GLT1D1: variants seen among roughly 807,000 people sequenced by gnomAD.
GLT1D1 encodes glycosyltransferase 1 domain containing 1.
Under a neutral mutation model 28.7 loss-of-function variants are expected in GLT1D1, and 21 were observed. The observed-to-expected ratio is 0.73, with a 90% CI of 0.52 to 1.05. The LOEUF is 1.05. Among genes scored for constraint, GLT1D1 ranks in the 50% least tolerant of loss-of-function variants. GLT1D1 has a pLI of 0.00. For missense variants in GLT1D1, 343 were observed against 330.6 expected, an observed-to-expected ratio of 1.04 and a Z score of -0.29; for synonymous variants, 147 against 124.8, an observed-to-expected ratio of 1.18 and a Z score of -1.19.
At position 128,891,034 on chromosome 12, in the gene GLT1D1, G is replaced by A. The variant is rs113152217; in HGVS notation, c.323+2290G>A. Among the ~76,000 whole-genome samples the A allele has an allele frequency of 5.3e-3, 805 of 151,726 alleles. 4 individuals carry two copies. The highest frequency in any genetic ancestry group is 0.018 in the African/African-American group (758 of 41,386). On this transcript the variant is annotated intron_variant, in intron 3 of 7. Coordinates refer to ENST00000281703, the MANE Select transcript of GLT1D1 (RefSeq NM_144669.3). ...AACAGCAACAACAACAAAAGAACCC[G>A]GGAGGTGTTGGTTGCAGTAAGCAAG...
At chr12:128,902,493 AAAAAAAAGAAAG>A (rs1870392426) in intron 4 of GLT1D1, among the ~76,000 whole-genome samples, 1 of 150,978 alleles carries the variant, frequency 6.6e-6, no homozygotes, top group South Asian at 2.1e-4. Flanking sequence ...TCTCAAAAAA[AAAAAAAAGAAAG>A]AAAAAAAGAA....
chr12:128,857,338 G>A (rs1401577790), intron 1 of GLT1D1, among the ~76,000 whole-genome samples: 1 of 152,206 alleles, frequency 6.6e-6, no homozygotes, highest in East Asian at 1.9e-4. Flanking sequence ...CTGGAGTGGA[G>A]GGCCATTTAG....
At chr12:128,880,843 G>T (rs1239276390) in intron 2 of GLT1D1, among the ~76,000 whole-genome samples, 1 of 152,106 alleles carries the variant, frequency 6.6e-6, no homozygotes, top group African/African-American at 2.4e-5. Flanking sequence ...TTGTGTGTGT[G>T]TTTTTGGTTT....
intron 4 of GLT1D1, among the ~76,000 whole-genome samples, chr12:128,915,388 G>A (rs1042517234): frequency 4.1e-5 from 6 of 144,586 alleles, no homozygotes; most frequent in Admixed American, 1.4e-4. Context: ...TTTTTGAGAT[G>A]GAGTCTCGTT....
At chr12:128,924,911 G>C (rs1404876521) in intron 4 of GLT1D1, among the ~76,000 whole-genome samples, 4 of 152,154 alleles carry the variant, frequency 2.6e-5, no homozygotes, top group Non-Finnish European at 5.9e-5. Flanking sequence ...GGGGTACAGT[G>C]ATCTGTTCCA....
intron 7 of GLT1D1, among the ~76,000 whole-genome samples, chr12:128,971,546 C>T (rs1312663338): frequency 2.3e-5 from 3 of 129,598 alleles, no homozygotes; most frequent in African/African-American, 8.9e-5. Context: ...CTCTCCTTCT[C>T]TCTCTTCCTG....
At chr12:128,949,744 TCACACACACACGCACACACACAGG>T (rs1876489162) in intron 6 of GLT1D1, among the ~76,000 whole-genome samples, 1 of 151,786 alleles carries the variant, frequency 6.6e-6, no homozygotes, top group Non-Finnish European at 1.5e-5. Flanking sequence ...ATGATTAGGC[TCACACACACACGCACACACACAGG>T]CACACACACA....
chr12:128,934,932 GA>G (rs1350861147), intron 4 of GLT1D1, among the ~76,000 whole-genome samples: 5 of 151,376 alleles, frequency 3.3e-5, no homozygotes, highest in African/African-American at 1.2e-4. Context: ...CAGGGTCCTG[GA>G]AGTCTCTGTC....
intron 4 of GLT1D1, among the ~76,000 whole-genome samples, chr12:128,937,577 T>C (rs541421754): frequency 6.6e-6 from 1 of 152,218 alleles, no homozygotes; most frequent in East Asian, 1.9e-4. Flanking sequence ...ACATTCCTGG[T>C]AGAGAGAATG....
At chr12:128,875,818 CAA>C (rs1356832527) in intron 1 of GLT1D1, 94 bp from the exon 2 acceptor site, 71 of 1,154,374 alleles carry the variant, frequency 6.2e-5, no homozygotes, top group Middle Eastern at 2.2e-4. Flanking sequence ...ACAACAACAA[CAA>C]CCAAAAAAAA....
chr12:128,972,270 G>T (rs781357637), intron 7 of GLT1D1, among the ~76,000 whole-genome samples: 2 of 152,254 alleles, frequency 1.3e-5, no homozygotes, highest in Middle Eastern at 3.2e-3. Context: ...CCGCCCATGC[G>T]GTCACTCAGA....
At chr12:128,932,994 C>A (rs935867341) in intron 4 of GLT1D1, among the ~76,000 whole-genome samples, 3 of 152,184 alleles carry the variant, frequency 2.0e-5, no homozygotes, top group African/African-American at 7.2e-5. Flanking sequence ...TTCTGGACTC[C>A]CCCGGTCCCA....
At chr12:128,918,155 G>T (rs1404053605) in intron 4 of GLT1D1, among the ~76,000 whole-genome samples, 2 of 152,216 alleles carry the variant, frequency 1.3e-5, no homozygotes, top group African/African-American at 2.4e-5. Context: ...CATGTCCTTT[G>T]CAGGAACATG....
intron 4 of GLT1D1, among the ~76,000 whole-genome samples, chr12:128,900,491 C>A (rs1056835815): frequency 6.6e-6 from 1 of 152,182 alleles, no homozygotes; most frequent in Non-Finnish European, 1.5e-5. Flanking sequence ...CACGCCCTGA[C>A]GGCCCATAGT....
intron 7 of GLT1D1, among the ~76,000 whole-genome samples, chr12:128,978,204 G>A (rs1472968010): frequency 5.3e-5 from 8 of 152,038 alleles, no homozygotes; most frequent in Non-Finnish European, 1.0e-4. Context: ...TCAGCCAATC[G>A]GCTTTTCCGC....
rs189908444 is a variant in GLT1D1, at chr12:128,937,346, G to A, written c.376-7980G>A. Among the ~76,000 whole-genome samples, 10 of 152,290 alleles carry A rather than the reference G, an allele frequency of 6.6e-5. No homozygotes were observed. The East Asian group carries it at 1.9e-3, about 29-fold the overall frequency. On this transcript the variant is annotated intron_variant, in intron 4 of 7. Transcript: ENST00000281703. ...ATCATTCTTTTTGCAGATCTTATGA[G>A]CATAGAACTATATGCAGGGCCCTGT...
At position 128,872,801 on chromosome 12, in the gene GLT1D1, A is replaced by G. The variant is rs932466880; in HGVS notation, c.69-3113A>G. 2.0e-5 allele frequency among the ~76,000 whole-genome samples: 3 copies of G among 152,130 alleles called. 1 individual carries two copies. Among genetic ancestry groups the G allele is most frequent in the Admixed American group, 6.5e-5 (1 of 15,272 alleles). On this transcript the variant is annotated intron_variant, in intron 1 of 7. Coordinates refer to ENST00000281703, the MANE Select transcript of GLT1D1 (RefSeq NM_144669.3). Reference sequence around the variant, plus strand: ...CTCAAACAATTTAAAAAGATAATATATGCATGTGGTAAAAACTATCCAACA... The same window carrying G: ...CTCAAACAATTTAAAAAGATAATATGTGCATGTGGTAAAAACTATCCAACA...
At chr12:128,874,118 C>CT (rs1956800316) in intron 1 of GLT1D1, among the ~76,000 whole-genome samples, 1 of 64,088 alleles carries the variant, frequency 1.6e-5, no homozygotes, top group African/African-American at 6.7e-5. Context: ...CTCTCTCTCT[C>CT]TCTCTCTCTT....
chr12:128,909,248 T>G lies in GLT1D1; in HGVS notation c.375+9961T>G, dbSNP rs567528680. On this transcript the variant is annotated intron_variant, in intron 4 of 7. Transcript: ENST00000281703. ...AAGAAAAGAAAAGAAAAATTGTTCT[T>G]TGTGTGGTTGGTTCCATTGCAGGAG... Among the ~76,000 whole-genome samples, 14 of 151,616 alleles carry G rather than the reference T, an allele frequency of 9.2e-5. 1 individual carries two copies. In the East Asian group the frequency reaches 2.5e-3, roughly 27 times the overall value.
Sources: gnomAD v4.1 joint callset for allele counts (sites outside exome capture counted in the v4.1 genomes callset) on GRCh38, gnomAD v4.1.1 for gene constraint, MANE v1.5 for transcripts, NCBI Gene and HGNC (gene_info 2026-07-23, HGNC 2026-07-21) for gene names.